The following ZNF484 variants were observed in gnomAD, a reference collection of about 807,000 sequenced individuals.
ZNF484 encodes the protein KRAB box containing C2H2 type zinc finger bA526D8.4.
Under a neutral mutation model 12.9 loss-of-function variants are expected in ZNF484, and 11 were observed. The ratio of observed to expected loss-of-function variants is 0.85; its 90% CI spans 0.54 to 1.41. The LOEUF (loss-of-function observed/expected upper bound fraction) is 1.41, where lower values mean the gene tolerates loss of function less well. Among genes scored for constraint, ZNF484 ranks in the 40% most tolerant of loss-of-function variants. ZNF484 has a pLI of 0.00. For synonymous variants in ZNF484, 289 were observed against 334.1 expected (o/e 0.86, Z 1.47); for missense variants, 807 against 1,007.7 (o/e 0.80, Z 2.70).
At chr9:92,867,948 A>G (rs1857206000) in intron 2 of ZNF484, among the ~76,000 whole-genome samples, 1 of 152,152 alleles carries the variant, frequency 6.6e-6, no homozygotes, top group South Asian at 2.1e-4. Flanking sequence ...ACGCCTAAAT[A>G]ATTTTACTTG....
At chr9:92,859,464 A>G (rs1417968798) in intron 2 of ZNF484, among the ~76,000 whole-genome samples, 1 of 152,204 alleles carries the variant, frequency 6.6e-6, no homozygotes, top group Non-Finnish European at 1.5e-5. Flanking sequence ...ATATTGCAAA[A>G]TGAGTACTAG....
chr9:92,861,432 A>C (rs919054990), intron 2 of ZNF484, among the ~76,000 whole-genome samples: 2 of 152,192 alleles, frequency 1.3e-5, no homozygotes, highest in African/African-American at 2.4e-5. Context: ...GAAATATATA[A>C]ATTCTCAGCA....
chr9:92,850,670 G>A (rs1342722063), intron 4 of ZNF484, among the ~76,000 whole-genome samples: 5 of 152,200 alleles, frequency 3.3e-5, no homozygotes, highest in South Asian at 2.1e-4. Context: ...TGCAACCTCC[G>A]CCTCCCGGGT....
chr9:92,845,351 G>A lies in ZNF484; in HGVS notation c.*877C>T, dbSNP rs764094750. The A allele has an allele frequency of 3.3e-5, 5 of 152,190 alleles. No homozygotes were observed. The highest frequency in any genetic ancestry group is 9.6e-5 in the African/African-American group (4 of 41,456). The allele number at this position is 152,190 out of a possible 1,614,324, so 9.4% of individuals were successfully genotyped here. A position where few individuals can be genotyped will look rare whatever the true frequency, so the allele number is the denominator to read the frequency against. On this transcript the variant is annotated 3_prime_UTR_variant, in exon 5 of 5. Coordinates refer to ENST00000375495, the MANE Select transcript of ZNF484 (RefSeq NM_031486.4). This position sits in a 1 kb window ranked among gnomAD's most constrained non-coding sequence, Gnocchi z 4.0. ...CAAAATTAATTAAGATTAGTTTGTA[G>A]AGATTGTGAGGAGATAAAAGGAGAA...
intron 2 of ZNF484, among the ~76,000 whole-genome samples, chr9:92,864,622 T>G (rs1856962294): frequency 6.6e-6 from 1 of 152,206 alleles, no homozygotes; most frequent in African/African-American, 2.4e-5. Flanking sequence ...TACAGACTCT[T>G]AAGCTTTTAA....
rs148011119 is a variant in ZNF484, at chr9:92,855,816, C to T, written c.230G>A (p.Arg77His). Residue 77 changes from arginine to histidine, a missense_variant, in exon 4 of 5, where the codon CGT (arginine) becomes CAT (histidine). By Grantham distance (29) the Arg-to-His change is conservative. Transcript: ENST00000375495. The part of the protein sequence containing the change: ...MLDGEIPSQS[R>H]PDGDIGFGPL... ...GCTCTTGGTTCCCTTCTCACCTGGA[C>T]GGCTCTGACTGGGGATCTCACCATC... The T allele has an allele frequency of 7.6e-5, 123 of 1,613,906 alleles. No individual in the cohort carries two copies. Among genetic ancestry groups the T allele is most frequent in the African/African-American group, 2.0e-4 (15 of 75,036 alleles).
chr9:92,846,580 T>C lies in ZNF484; in HGVS notation c.2207A>G (p.Asn736Ser). 6.2e-7 allele frequency: 1 copy of C among 1,613,100 alleles called. No homozygotes were observed. The highest frequency in any genetic ancestry group is 8.5e-7 in the Non-Finnish European group (1 of 1,179,706). The stretch of plus-strand genomic sequence containing the variant: ...TCCAGTATGAATTCTCCTGTGTCTA[T>C]TTAAGTGTGACTTCTGGATGAAGGA... ...GKSFIQKSHLNRHRRIHTGEK... is the reference protein window; with the variant it reads ...GKSFIQKSHLSRHRRIHTGEK... Residue 736 changes from asparagine (N) to serine (S), a missense_variant, in exon 5 of 5, where the codon AAT becomes AGT. By Grantham distance (46) the Asn-to-Ser change is conservative. Transcript: ENST00000375495.
At chr9:92,861,585 A>G in intron 2 of ZNF484, among the ~76,000 whole-genome samples, 1 of 152,208 alleles carries the variant, frequency 6.6e-6, no homozygotes, top group East Asian at 1.9e-4. Context: ...GTTACCTGTA[A>G]GATAGATAAA....
rs777215413 is a variant in ZNF484 at position 92,846,628 on chromosome 9, T to C, written c.2159A>G (p.Tyr720Cys). The change falls in exon 5 of 5, where the codon TAT becomes TGT. Residue 720 changes from tyrosine to cysteine, a missense_variant. Transcript: ENST00000375495. ...HQRIHTGEKPYICNECGKSFI... is the reference protein window; with the variant it reads ...HQRIHTGEKPCICNECGKSFI... ...GGATTTCCCACATTCATTACAAATA[T>C]AGGGTTTCTCTCCTGTATGAATTCT... 3 of 1,613,846 alleles carry C rather than the reference T, an allele frequency of 1.9e-6. No individual in the cohort carries two copies. The highest frequency in any genetic ancestry group is 1.3e-5 in the African/African-American group (1 of 74,922).
In ZNF484 at chr9:92,856,333, A is replaced by G; in HGVS notation, c.16-15T>C. The G allele has an allele frequency of 6.5e-7, 1 of 1,538,692 alleles. No homozygotes were observed. Among genetic ancestry groups the G allele is most frequent in the Non-Finnish European group, 8.7e-7 (1 of 1,148,352 alleles). Reference sequence around the variant, plus strand: ...GACACTGATTCCTGTTAAAAAAAAAAAACAAACTTTAAAATAATTTTTTAA... The same window carrying G: ...GACACTGATTCCTGTTAAAAAAAAAGAACAAACTTTAAAATAATTTTTTAA... On this transcript the variant is annotated splice_polypyrimidine_tract_variant and intron_variant, in intron 2 of 4. Coordinates refer to ENST00000375495, the MANE Select transcript of ZNF484 (RefSeq NM_031486.4).
chr9:92,854,099 A>G (rs1240483676), intron 4 of ZNF484, among the ~76,000 whole-genome samples: 3 of 152,172 alleles, frequency 2.0e-5, no homozygotes, highest in African/African-American at 7.2e-5. Flanking sequence ...TTGTCCAGGA[A>G]AAAAAGAGAG....
At chr9:92,855,545 A>T (rs1307326450) in intron 4 of ZNF484, among the ~76,000 whole-genome samples, 3 of 152,160 alleles carry the variant, frequency 2.0e-5, no homozygotes, top group African/African-American at 7.2e-5. Flanking sequence ...TAGAAAGTAG[A>T]GTGTGACATG....
At chr9:92,858,825 G>A (rs546080697) in intron 2 of ZNF484, among the ~76,000 whole-genome samples, 2 of 152,118 alleles carry the variant, frequency 1.3e-5, no homozygotes, top group Non-Finnish European at 1.5e-5. Flanking sequence ...GAAAAAATAG[G>A]TAGTTCAAAT....
At chr9:92,872,255 A>C (rs1251720305) in intron 2 of ZNF484, among the ~76,000 whole-genome samples, 2 of 92,004 alleles carry the variant, frequency 2.2e-5, no homozygotes, top group Non-Finnish European at 4.4e-5. Context: ...AAAAAAAAAA[A>C]AAGTTAAAGC....
intron 2 of ZNF484, among the ~76,000 whole-genome samples, chr9:92,865,096 A>G (rs1242767387): frequency 1.3e-5 from 2 of 152,158 alleles, no homozygotes; most frequent in Non-Finnish European, 2.9e-5. Context: ...ATATTAGGGG[A>G]CCATACATGA....
Position 92,848,114 on chromosome 9 carries a change from A to G in ZNF484, c.673T>C (p.Cys225Arg). The G allele has an allele frequency of 1.9e-6, 3 of 1,614,226 alleles. No individual in the cohort carries two copies. The highest frequency in any genetic ancestry group is 2.5e-6 in the Non-Finnish European group (3 of 1,180,040). Residue 225 changes from cysteine (C) to arginine (R), a missense_variant, in exon 5 of 5, where the codon TGT (cysteine) becomes CGT (arginine). Transcript: ENST00000375495. The surrounding 1 kb of genome is among the most constrained non-coding windows in gnomAD (Gnocchi z 4.1). Reference sequence around the variant, plus strand: ...TGCAGAGGTTTCCCACATTGGTTACATTCACAAGCAGTCACTTCTGTATGA... The same window carrying G: ...TGCAGAGGTTTCCCACATTGGTTACGTTCACAAGCAGTCACTTCTGTATGA... ...NSHTEVTACECNQCGKPLHHK... is the reference protein window; with the variant it reads ...NSHTEVTACERNQCGKPLHHK...
rs1855882022 is a variant in ZNF484, at chr9:92,848,927, A to G, written c.236-376T>C. ...CTGTCTCCAAAATAAATAAATAAAT[A>G]AATAAATAAATAAATAAATAAATAA... On this transcript the variant is annotated intron_variant, in intron 4 of 4. Coordinates refer to ENST00000375495, the MANE Select transcript of ZNF484 (RefSeq NM_031486.4). This position sits in a 1 kb window ranked among gnomAD's most constrained non-coding sequence, Gnocchi z 4.1. Among the ~76,000 whole-genome samples, 1 of 149,294 alleles carries G rather than the reference A, an allele frequency of 6.7e-6. No homozygotes were observed.
chr9:92,862,851 A>T (rs896370202), intron 2 of ZNF484, among the ~76,000 whole-genome samples: 8 of 152,208 alleles, frequency 5.3e-5, no homozygotes, highest in African/African-American at 1.7e-4. Context: ...TGTGGAAGAC[A>T]GTGTGGTGAT....
At chr9:92,852,529 C>CTTTTTTTTTTTTTT (rs760841960) in intron 4 of ZNF484, among the ~76,000 whole-genome samples, 1 of 63,450 alleles carries the variant, frequency 1.6e-5, no homozygotes, top group Non-Finnish European at 2.7e-5. Context: ...CACGCCCAGC[C>CTTTTTTTTTTTTTT]TTTTTTTTTT....
Sources: allele counts gnomAD v4.1 joint callset (sites outside exome capture counted in the v4.1 genomes callset), GRCh38; gene constraint gnomAD v4.1.1; non-coding constraint Gnocchi (gnomAD v3.1); transcripts MANE v1.5; gene names NCBI Gene and HGNC (gene_info 2026-07-23, HGNC 2026-07-21).